RNF213: variants seen among roughly 807,000 people sequenced by gnomAD.
RNF213 encodes ring finger protein 213, also known as E3 ubiquitin-protein ligase RNF213.
In RNF213, 341 loss-of-function variants were observed where a neutral mutation model predicts 514.4. The ratio of observed to expected loss-of-function variants is 0.66; its 90% CI spans 0.61 to 0.73. RNF213 has a LOEUF of 0.73. Among genes scored for constraint, RNF213 ranks in the 30% least tolerant of loss-of-function variants. The pLI, the probability that RNF213 is intolerant of heterozygous loss-of-function variation, is 0.00. For missense variants in RNF213, 5,767 were observed against 6,615.6 expected (o/e 0.87, Z 4.45); for synonymous variants, 2,655 against 2,658.2 (o/e 1.00, Z 0.04).
At chr17:80,360,351 C>T (rs2144356453) in intron 38 of RNF213, 145 bp downstream of exon 38, 1 of 878,278 alleles carries the variant, frequency 1.1e-6, no homozygotes, top group East Asian at 2.7e-5. Flanking sequence ...AGTAAGCGTC[C>T]AATTTACGTC....
At chr17:80,359,416 C>G (rs35126635) in intron 37 of RNF213, among the ~76,000 whole-genome samples, 1 of 148,520 alleles carries the variant, frequency 6.7e-6, no homozygotes, top group Non-Finnish European at 1.5e-5. Flanking sequence ...CCCAGCTACT[C>G]TAGAAGCTGA....
At position 80,369,490 on chromosome 17, in the gene RNF213, T is replaced by C; in HGVS notation, c.12156-12T>C. 1.2e-6 allele frequency: 2 copies of C among 1,612,564 alleles called. No homozygotes were observed. Among genetic ancestry groups the C allele is most frequent in the Non-Finnish European group, 1.7e-6 (2 of 1,179,850 alleles). On this transcript the variant is annotated splice_polypyrimidine_tract_variant and intron_variant, in intron 44 of 67. Coordinates refer to ENST00000582970, the MANE Select transcript of RNF213 (RefSeq NM_001256071.3). ...ACACCATCCACCTGTCTTCTGTTTC[T>C]CGTGTTCTAAGGGAAGCCATTGAAA... is the stretch of plus-strand genomic sequence containing the variant.
intron 50 of RNF213, chr17:80,374,843 T>C (rs1414697138): frequency 2.0e-6 from 1 of 499,796 alleles, no homozygotes; most frequent in Non-Finnish European, 3.7e-6. Context: ...ATCTGCCAAG[T>C]CCATCAGCAG....
chr17:80,274,273 T>C (rs73442434), intron 3 of RNF213, among the ~76,000 whole-genome samples: 4,269 of 151,986 alleles, frequency 0.028, 91 homozygotes, highest in East Asian at 0.11. Flanking sequence ...TTGAACAGCC[T>C]CTTAGGCGTT....
Position 80,385,549 on chromosome 17 carries a change from C to T in RNF213, c.14467C>T (p.Gln4823Ter). ...ATTCTGTTCAACAGATGGGTTGAGG[C>T]AGCTGCTTCACAACAGGATCACAGT... Reference protein sequence around the residue: ...LSKHSSDGLRQLLHNRITVFL... With the variant: ...LSKHSSDGLR Residue 4823 changes from glutamine to a stop codon, truncating the protein, a stop_gained, in exon 61 of 68, where the codon CAG (glutamine) becomes TAG (stop). Coordinates refer to ENST00000582970, the MANE Select transcript of RNF213 (RefSeq NM_001256071.3). LOFTEE classifies it high-confidence loss of function. 2 of 1,614,110 alleles carry T rather than the reference C, an allele frequency of 1.2e-6. No individual in the cohort carries two copies. The highest frequency in any genetic ancestry group is 1.7e-6 in the Non-Finnish European group (2 of 1,179,974).
At chr17:80,297,332 C>T (rs1195333311) in intron 10 of RNF213, among the ~76,000 whole-genome samples, 1 of 151,866 alleles carries the variant, frequency 6.6e-6, no homozygotes, top group Admixed American at 6.6e-5. Context: ...TGCCTGTAAT[C>T]CCAGCTACTC....
intron 11 of RNF213, among the ~76,000 whole-genome samples, chr17:80,304,081 A>C (rs1214823820): frequency 2.0e-5 from 3 of 151,790 alleles, no homozygotes; most frequent in African/African-American, 7.3e-5. Flanking sequence ...TGCTATTTTT[A>C]TGTACTTATC....
rs147458675 is a variant in RNF213, at chr17:80,367,165, T to C, written c.11872-583T>C. Among the ~76,000 whole-genome samples, 744 of 152,324 alleles carry C rather than the reference T, an allele frequency of 4.9e-3. 1 individual carries two copies. The highest frequency in any genetic ancestry group is 8.4e-3 in the Non-Finnish European group (574 of 68,032). On this transcript the variant is annotated intron_variant, in intron 42 of 67. Transcript: ENST00000582970. ...GCAGAAGCCTTTATACAACGTGGTA[T>C]CATTGATATCAAGTTTTAAAACATT...
At chr17:80,318,699 G>A (rs1306505759) in intron 16 of RNF213, among the ~76,000 whole-genome samples, 3 of 151,820 alleles carry the variant, frequency 2.0e-5, no homozygotes, top group Admixed American at 2.0e-4. Flanking sequence ...TCAGCCTCCC[G>A]AGTAGCTGGG....
chr17:80,309,256 A>T, intron 14 of RNF213, 85 bp downstream of exon 14: 4 of 1,503,930 alleles, frequency 2.7e-6, no homozygotes, highest in Non-Finnish European at 3.7e-6. Flanking sequence ...AAACAGACTG[A>T]TTCCCGGGTG....
At chr17:80,313,539 G>A (rs576242513) in intron 15 of RNF213, among the ~76,000 whole-genome samples, 51 of 141,064 alleles carry the variant, frequency 3.6e-4, no homozygotes, top group African/African-American at 1.3e-3. Context: ...GATGGTGATG[G>A]TGGACGTAAT....
At chr17:80,372,915 G>A (rs1568150748) in intron 48 of RNF213, 60 bp from the exon 49 acceptor site, 1 of 1,555,278 alleles carries the variant, frequency 6.4e-7, no homozygotes, top group Non-Finnish European at 8.8e-7. Flanking sequence ...TTGGCCTTGT[G>A]TCCTACAATA....
intron 42 of RNF213, 62 bp downstream of exon 42, chr17:80,364,615 G>A (rs1267217718): frequency 1.2e-6 from 2 of 1,605,522 alleles, no homozygotes; most frequent in Non-Finnish European, 1.7e-6. Context: ...AGGAAGAACA[G>A]CACTGACAGT....
At chr17:80,273,483 C>A (rs1442859648) in intron 3 of RNF213, 79 bp downstream of exon 3, 2 of 1,581,390 alleles carry the variant, frequency 1.3e-6, no homozygotes, top group Non-Finnish European at 1.7e-6. Flanking sequence ...GCCCAGCTAG[C>A]CCCCGAAAAT....
intron 8 of RNF213, among the ~76,000 whole-genome samples, chr17:80,293,933 C>T (rs1250139725): frequency 6.6e-6 from 1 of 152,060 alleles, no homozygotes; most frequent in Non-Finnish European, 1.5e-5. Flanking sequence ...CCCTGCTGGG[C>T]CCAGGGTGCA....
intron 41 of RNF213, among the ~76,000 whole-genome samples, 180 bp from the exon 42 acceptor site, chr17:80,364,253 G>A (rs999161967): frequency 1.9e-4 from 29 of 152,176 alleles, no homozygotes; most frequent in Non-Finnish European, 1.8e-4. Context: ...TAAGCTGAGC[G>A]TCTGAGAGCG....
At chr17:80,331,378 G>T (rs2046410827) in intron 20 of RNF213, among the ~76,000 whole-genome samples, 1 of 143,360 alleles carries the variant, frequency 7.0e-6, no homozygotes, top group African/African-American at 2.6e-5. Context: ...TCCTGTCCTT[G>T]TCAGTTTATG....
chr17:80,311,331 C>T (rs950577001), intron 14 of RNF213, among the ~76,000 whole-genome samples: 8 of 152,286 alleles, frequency 5.3e-5, no homozygotes, highest in Admixed American at 3.9e-4. Flanking sequence ...ACAAGGTGCC[C>T]GTGTCAGGCT....
chr17:80,273,766 T>G (rs1368237587), intron 3 of RNF213, among the ~76,000 whole-genome samples: 15 of 151,968 alleles, frequency 9.9e-5, no homozygotes, highest in Non-Finnish European at 1.0e-4. Context: ...ACTACAGGCA[T>G]GCACCACCAC....
Sources: allele counts gnomAD v4.1 joint callset (sites outside exome capture counted in the v4.1 genomes callset), GRCh38; gene constraint gnomAD v4.1.1; transcripts MANE v1.5; gene names NCBI Gene and HGNC (gene_info 2026-07-23, HGNC 2026-07-21).